TGFA: variants seen among roughly 807,000 people sequenced by gnomAD.
TGFA encodes protransforming growth factor alpha.
TGFA carries 12 observed loss-of-function variants against 21.7 expected under a neutral mutation model. That is an observed-to-expected ratio of 0.55 (90% confidence interval 0.35 to 0.90). The LOEUF (loss-of-function observed/expected upper bound fraction) is 0.90, where lower values mean the gene tolerates loss of function less well. Ranked by LOEUF, TGFA falls within the 40% of genes least tolerant of loss-of-function variation. TGFA has a pLI of 0.01. For missense variants in TGFA, 178 were observed against 210.8 expected (o/e 0.84, Z 0.96); for synonymous variants, 79 against 88.1 (o/e 0.90, Z 0.58).
intron 2 of TGFA, among the ~76,000 whole-genome samples, chr2:70,500,857 T>G (rs1397123187): frequency 6.6e-6 from 1 of 152,126 alleles, no homozygotes; most frequent in African/African-American, 2.4e-5. Flanking sequence ...TCCCATTCCA[T>G]AGGTTGTCTC....
intron 4 of TGFA, 100 bp downstream of exon 4, chr2:70,456,239 T>C: frequency 7.1e-7 from 1 of 1,401,066 alleles, no homozygotes; most frequent in South Asian, 1.5e-5. Flanking sequence ...ATCCCAGAAA[T>C]AAGCTGTGCT....
chr2:70,502,510 G>A (rs782689727), intron 2 of TGFA, among the ~76,000 whole-genome samples: 6 of 151,996 alleles, frequency 3.9e-5, no homozygotes, highest in African/African-American at 4.8e-5. Context: ...TGGCTAAGAC[G>A]GGATTTTACC....
At chr2:70,516,708 A>G (rs2902539) in intron 1 of TGFA, among the ~76,000 whole-genome samples, 9,812 of 152,240 alleles carry the variant, frequency 0.064, 1,065 homozygotes, top group African/African-American at 0.22. Flanking sequence ...AAAAGTCAGC[A>G]GTTGCCCCCT....
chr2:70,531,762 AG>A (rs1424652595), intron 1 of TGFA, among the ~76,000 whole-genome samples: 1 of 152,246 alleles, frequency 6.6e-6, no homozygotes, highest in South Asian at 2.1e-4. Context: ...TGTGGGTGGA[AG>A]GAAAAAAAGA....
At chr2:70,463,715 TG>T (rs1168434525) in intron 3 of TGFA, among the ~76,000 whole-genome samples, 1 of 152,160 alleles carries the variant, frequency 6.6e-6, no homozygotes, top group African/African-American at 2.4e-5. Context: ...GGCCGAGCCC[TG>T]GACGTGGCTG....
Position 70,539,216 on chromosome 2 carries a change from T to G in TGFA, c.40+14512A>C, listed in dbSNP as rs1301254837. On this transcript the variant is annotated intron_variant, in intron 1 of 5. Coordinates refer to ENST00000295400, the MANE Select transcript of TGFA (RefSeq NM_003236.4). The stretch of plus-strand genomic sequence containing the variant: ...GCACCGGGAAACCAAAAAGTTCATG[T>G]GACTCACTTTATTGTGATATCTGCT... 3.3e-5 allele frequency among the ~76,000 whole-genome samples: 5 copies of G among 152,232 alleles called. No homozygotes were observed. The East Asian group carries it at 9.6e-4, about 29-fold the overall frequency.
At chr2:70,453,450 C>T in intron 4 of TGFA, 123 bp from the exon 5 acceptor site, 1 of 759,084 alleles carries the variant, frequency 1.3e-6, no homozygotes, top group South Asian at 1.9e-5. Context: ...ACCAGCTCCC[C>T]ATGGGGGCTT....
intron 2 of TGFA, among the ~76,000 whole-genome samples, chr2:70,496,503 AT>A (rs370911325): frequency 3.3e-4 from 51 of 152,350 alleles, no homozygotes; most frequent in African/African-American, 1.2e-3. Flanking sequence ...ATATTGAACC[AT>A]AACCTCAGAC....
intron 3 of TGFA, among the ~76,000 whole-genome samples, chr2:70,462,778 G>A (rs919883428): frequency 6.6e-6 from 1 of 152,128 alleles, no homozygotes; most frequent in Admixed American, 6.5e-5. Flanking sequence ...ATCCAGGGGG[G>A]AAACTGAGGT....
At chr2:70,553,060 C>T in intron 1 of TGFA, 1 of 1,048,198 alleles carries the variant, frequency 9.5e-7, no homozygotes, top group East Asian at 2.6e-5. Context: ...CAAGGACATA[C>T]TCAAAGGAAA....
At chr2:70,506,492 G>T (rs1285286243) in intron 2 of TGFA, among the ~76,000 whole-genome samples, 2 of 152,116 alleles carry the variant, frequency 1.3e-5, no homozygotes, top group Admixed American at 6.6e-5. Context: ...TGACTGTTAC[G>T]CACACTGAAA....
chr2:70,523,399 T>C (rs426081), intron 1 of TGFA, among the ~76,000 whole-genome samples: 45,137 of 152,064 alleles, frequency 0.3, 9,015 homozygotes, highest in African/African-American at 0.57. Flanking sequence ...TCCAGATGAT[T>C]GAAGCAAACA....
chr2:70,469,879 A>C (rs1389164972), intron 2 of TGFA, among the ~76,000 whole-genome samples: 1 of 152,200 alleles, frequency 6.6e-6, no homozygotes, highest in Non-Finnish European at 1.5e-5. Flanking sequence ...GTTTTGGAAC[A>C]CTTCTCTAAA....
At position 70,544,165 on chromosome 2, in the gene TGFA, G is replaced by C. The variant is rs536531265; in HGVS notation, c.40+9563C>G. ...TATATAATATATAACCAAAAAGTCA[G>C]CTTCGTACTTAAGTGTTAAATGCGC... On this transcript the variant is annotated intron_variant, in intron 1 of 5. Coordinates refer to ENST00000295400, the MANE Select transcript of TGFA (RefSeq NM_003236.4). Among the ~76,000 whole-genome samples the C allele has an allele frequency of 1.2e-4, 19 of 152,084 alleles. No individual in the cohort carries two copies. The South Asian group carries it at 3.9e-3, about 32-fold the overall frequency.
rs138824501 is a variant in TGFA at position 70,460,347 on chromosome 2, C to T, written c.216-3859G>A. On this transcript the variant is annotated intron_variant, in intron 3 of 5. Transcript: ENST00000295400. ...AATGCTTCTCAGCTGCTCTTTATGA[C>T]GGAAAAAGAAAAAGGTTTGGTGACA... is the stretch of plus-strand genomic sequence containing the variant. Among the ~76,000 whole-genome samples, 75 of 148,698 alleles carry T rather than the reference C, an allele frequency of 5.0e-4. No individual in the cohort carries two copies. In the East Asian group the frequency reaches 0.014, roughly 28 times the overall value.
At chr2:70,510,561 CA>C (rs1258802985) in intron 2 of TGFA, among the ~76,000 whole-genome samples, 6 of 151,938 alleles carry the variant, frequency 3.9e-5, no homozygotes, top group Non-Finnish European at 7.4e-5. Context: ...CAAAAAAACT[CA>C]AAAAAACCCT....
intron 1 of TGFA, among the ~76,000 whole-genome samples, chr2:70,522,579 G>T (rs1553502464): frequency 6.6e-6 from 1 of 152,094 alleles, no homozygotes; most frequent in Non-Finnish European, 1.5e-5. Flanking sequence ...GGATACAGGT[G>T]TGTGTCATCA....
intron 1 of TGFA, among the ~76,000 whole-genome samples, chr2:70,524,648 C>T (rs1450548440): frequency 1.3e-5 from 2 of 152,182 alleles, no homozygotes; most frequent in Non-Finnish European, 2.9e-5. Context: ...TGACACGAGG[C>T]CTTGAGGTGT....
chr2:70,497,742 C>A (rs189045510), intron 2 of TGFA, among the ~76,000 whole-genome samples: 2 of 152,326 alleles, frequency 1.3e-5, no homozygotes, highest in Non-Finnish European at 2.9e-5. Context: ...TGCCAAGAAC[C>A]TTGGCCATGT....
Sources: allele counts gnomAD v4.1 joint callset (sites outside exome capture counted in the v4.1 genomes callset), GRCh38; gene constraint gnomAD v4.1.1; transcripts MANE v1.5; gene names NCBI Gene and HGNC (gene_info 2026-07-23, HGNC 2026-07-21).